EOGT: variants seen among roughly 807,000 people sequenced by gnomAD.
EOGT encodes EGF domain specific O-linked N-acetylglucosamine transferase, also known as EGF domain-specific O-linked N-acetylglucosamine transferase.
In EOGT, 55 loss-of-function variants were observed where a neutral mutation model predicts 70.5. The observed-to-expected ratio is 0.78, with a 90% CI of 0.63 to 0.98. The LOEUF (loss-of-function observed/expected upper bound fraction) is 0.98. Among genes scored for constraint, EOGT ranks in the 50% least tolerant of loss-of-function variants. EOGT has a pLI of 0.00. For missense variants in EOGT, 703 were observed against 641.9 expected (o/e 1.10, Z -1.03); for synonymous variants, 246 against 217.1 (o/e 1.13, Z -1.17).
rs1168555540 is a variant in EOGT, at chr3:68,975,608, T to A, written c.*2010A>T. 1 of 152,594 alleles carries A rather than the reference T, an allele frequency of 6.6e-6. No individual in the cohort carries two copies. The highest frequency in any genetic ancestry group is 6.5e-5 in the Admixed American group (1 of 15,278). 9.5% of individuals were successfully genotyped at this position (152,594 alleles called of 1,614,324 possible). ...GCGCAACATGCTTTTGTCATCCCTT[T>A]CATCTGAAATATTTTCCCAGTGGTT... On this transcript the variant is annotated 3_prime_UTR_variant, in exon 18 of 18. Coordinates refer to ENST00000383701, the MANE Select transcript of EOGT (RefSeq NM_001278689.2).
intron 8 of EOGT, among the ~76,000 whole-genome samples, chr3:69,003,470 A>C (rs1410012280): frequency 6.6e-6 from 1 of 152,100 alleles, no homozygotes; most frequent in Non-Finnish European, 1.5e-5. Context: ...TTCCCTCTGC[A>C]CACGCTCTCT....
At chr3:68,983,855 C>G (rs938410781) in intron 14 of EOGT, among the ~76,000 whole-genome samples, 2 of 152,114 alleles carry the variant, frequency 1.3e-5, no homozygotes, top group Non-Finnish European at 1.5e-5. Flanking sequence ...CCCAGCTACT[C>G]GGGAGGCTAA....
At chr3:68,998,851 AC>A (rs2091225544) in intron 9 of EOGT, among the ~76,000 whole-genome samples, 1 of 55,632 alleles carries the variant, frequency 1.8e-5, no homozygotes, top group Non-Finnish European at 3.5e-5. Flanking sequence ...AAAAAAAAAA[AC>A]CAGAAAAAAA....
intron 13 of EOGT, chr3:68,987,838 G>T: frequency 2.4e-6 from 1 of 414,930 alleles, no homozygotes; most frequent in Non-Finnish European, 4.3e-6. Flanking sequence ...ACAGGAGGAA[G>T]CACATTCTTG....
chr3:68,995,364 C>G (rs923164677), intron 10 of EOGT, among the ~76,000 whole-genome samples: 13 of 152,310 alleles, frequency 8.5e-5, no homozygotes, highest in African/African-American at 3.1e-4. Flanking sequence ...TAGTAAATGG[C>G]TTCTTTGACC....
chr3:68,988,748 A>G, intron 11 of EOGT, 171 bp from the exon 12 acceptor site: 1 of 641,646 alleles, frequency 1.6e-6, no homozygotes, highest in South Asian at 2.3e-5. Context: ...GATTATAGAA[A>G]AAACTTTTCA....
chr3:68,987,582 A>G, intron 13 of EOGT, 69 bp from the exon 14 acceptor site: 1 of 1,164,664 alleles, frequency 8.6e-7, no homozygotes. Context: ...ATCTGAACCC[A>G]AAATGTGATT....
chr3:68,998,344 C>T (rs1312328565), intron 9 of EOGT, among the ~76,000 whole-genome samples: 9 of 152,270 alleles, frequency 5.9e-5, no homozygotes. Context: ...TATTTAAAAT[C>T]AGGAATGCAT....
intron 4 of EOGT, among the ~76,000 whole-genome samples, chr3:69,009,333 T>C (rs1279302399): frequency 1.3e-5 from 2 of 152,354 alleles, no homozygotes; most frequent in East Asian, 1.9e-4. Context: ...TGAAATTCTT[T>C]AGTTACTTTT....
Position 68,985,230 on chromosome 3 carries a change from G to C in EOGT, c.1152+2215C>G, listed in dbSNP as rs563632190. 3.9e-5 allele frequency among the ~76,000 whole-genome samples: 6 copies of C among 152,192 alleles called. No individual in the cohort carries two copies. The South Asian group carries it at 1.2e-3, about 32-fold the overall frequency. On this transcript the variant is annotated intron_variant, in intron 14 of 17. Coordinates refer to ENST00000383701, the MANE Select transcript of EOGT (RefSeq NM_001278689.2). ...TTCCCAACATTGCACTATTTGATAC[G>C]TTCGTATTTCTAGGTCTTTAAACAC... is the stretch of plus-strand genomic sequence containing the variant.
intron 17 of EOGT, 54 bp downstream of exon 17, chr3:68,978,279 A>G (rs1187589281): frequency 1.7e-5 from 21 of 1,258,142 alleles, no homozygotes; most frequent in Non-Finnish European, 2.4e-5. Flanking sequence ...CAATAATTGG[A>G]TACTTTAAAC....
chr3:69,008,355 G>T, intron 5 of EOGT, 73 bp downstream of exon 5: 2 of 1,041,168 alleles, frequency 1.9e-6, no homozygotes, highest in South Asian at 1.4e-5. Flanking sequence ...GAATCTAGCT[G>T]GAAATTAGGG....
intron 14 of EOGT, among the ~76,000 whole-genome samples, chr3:68,983,286 C>T (rs562555613): frequency 6.6e-6 from 1 of 152,282 alleles, no homozygotes; most frequent in South Asian, 2.1e-4. Flanking sequence ...TAGACTTTAC[C>T]TTAAGAGTTT....
At chr3:68,982,421 G>C (rs1432201956) in intron 15 of EOGT, among the ~76,000 whole-genome samples, 1 of 152,152 alleles carries the variant, frequency 6.6e-6, no homozygotes, top group Non-Finnish European at 1.5e-5. Context: ...TCGGGAGGCA[G>C]AGGCAGGAGA....
At chr3:69,012,415 C>T (rs957359486) in intron 2 of EOGT, 100 bp downstream of exon 2, 2 of 152,362 alleles carry the variant, frequency 1.3e-5, no homozygotes, top group African/African-American at 2.4e-5. Flanking sequence ...TTTTTTGACT[C>T]GTCCTTCCCG....
At chr3:68,988,414 A>C (rs1290922862) in intron 12 of EOGT, 33 bp from the exon 13 acceptor site, 1 of 1,500,266 alleles carries the variant, frequency 6.7e-7, no homozygotes, top group Admixed American at 2.0e-5. Context: ...TATTACAATG[A>C]ATACTTCTGT....
chr3:69,005,944 G>C (rs2091428932), intron 6 of EOGT, among the ~76,000 whole-genome samples: 1 of 152,152 alleles, frequency 6.6e-6, no homozygotes, highest in Non-Finnish European at 1.5e-5. Context: ...TGGTGTTTTG[G>C]AGTCTGTAGT....
chr3:69,000,703 G>A (rs2091272280), intron 9 of EOGT, among the ~76,000 whole-genome samples: 1 of 152,144 alleles, frequency 6.6e-6, no homozygotes, highest in African/African-American at 2.4e-5. Context: ...CATAATGAAA[G>A]AGATAATATA....
chr3:68,998,149 C>T (rs1256076365), intron 9 of EOGT, 35 bp from the exon 10 acceptor site: 1 of 1,135,418 alleles, frequency 8.8e-7, no homozygotes, highest in South Asian at 1.3e-5. Context: ...TTAATTAACA[C>T]CAAAGAGCAC....
Sources: allele counts gnomAD v4.1 joint callset (sites outside exome capture counted in the v4.1 genomes callset), GRCh38; gene constraint gnomAD v4.1.1; transcripts MANE v1.5; gene names NCBI Gene and HGNC (gene_info 2026-07-23, HGNC 2026-07-21).